DBF4: variants seen among roughly 807,000 people sequenced by gnomAD.
DBF4 encodes the protein DBF4-CDC7 kinase regulatory subunit, also known as protein DBF4 homolog A.
In DBF4, 25 loss-of-function variants were observed where a neutral mutation model predicts 76.6. The observed-to-expected ratio is 0.33, with a 90% CI of 0.24 to 0.46. The LOEUF is 0.46. Among genes scored for constraint, DBF4 ranks in the 20% least tolerant of loss-of-function variants. The pLI, the probability that DBF4 is intolerant of heterozygous loss-of-function variation, is 1.00. For synonymous variants in DBF4, 213 were observed against 258.0 expected, an observed-to-expected ratio of 0.83 and a Z score of 1.67; for missense variants, 638 against 760.8, an observed-to-expected ratio of 0.84 and a Z score of 1.90.
At chr7:87,903,534 T>G (rs1486906852) in intron 10 of DBF4, among the ~76,000 whole-genome samples, 7 of 152,228 alleles carry the variant, frequency 4.6e-5, no homozygotes, top group Non-Finnish European at 7.3e-5. Context: ...GGTTCATGTG[T>G]TTAATCTACT....
chr7:87,890,322 C>T (rs776728403), intron 6 of DBF4, among the ~76,000 whole-genome samples: 21 of 152,112 alleles, frequency 1.4e-4, no homozygotes, highest in Non-Finnish European at 2.6e-4. Context: ...GCAGATCACA[C>T]GAGGTCAGGA....
chr7:87,876,635 G>C lies in DBF4; in HGVS notation c.-98G>C, dbSNP rs1410664158. The stretch of plus-strand genomic sequence containing the variant: ...GGCCGTAGCTGGCGGAAGGAGAGAG[G>C]CGGCCGTCCTGTCAACAGGCCGGGG... On this transcript the variant is annotated 5_prime_UTR_variant, in exon 1 of 12. Transcript: ENST00000265728. 9.6e-6 allele frequency: 13 copies of C among 1,356,160 alleles called. No homozygotes were observed. In the East Asian group the frequency reaches 2.9e-4, roughly 30 times the overall value. 84.0% of individuals were successfully genotyped at this position (1,356,160 alleles called of 1,614,324 possible). A position where few individuals can be genotyped will look rare whatever the true frequency, so the allele number is the denominator to read the frequency against.
chr7:87,906,873 C>G (rs879758445), intron 11 of DBF4, among the ~76,000 whole-genome samples: 3 of 152,072 alleles, frequency 2.0e-5, no homozygotes, highest in Non-Finnish European at 4.4e-5. Context: ...CTATCAATTT[C>G]TTTCATTTAC....
chr7:87,900,340 T>A lies in DBF4; in HGVS notation c.800T>A (p.Val267Asp). ...KPSSMQKQTQ[V>D]KLRIQTDGDK... ...TCTAGTATGCAAAAGCAAACTCAGG[T>A]TAAACTAAGGTTGGTTTGAATCTTT... is the stretch of plus-strand genomic sequence containing the variant. Residue 267 changes from valine (V) to aspartate (D), a missense_variant, in exon 9 of 12, where the codon GTT becomes GAT. Coordinates refer to ENST00000265728, the MANE Select transcript of DBF4 (RefSeq NM_006716.4). 1 of 1,589,726 alleles carries A rather than the reference T, an allele frequency of 6.3e-7. No homozygotes were observed. The highest frequency in any genetic ancestry group is 8.5e-7 in the Non-Finnish European group (1 of 1,173,360).
At chr7:87,886,680 A>G (rs1839363446) in intron 3 of DBF4, among the ~76,000 whole-genome samples, 164 bp from the exon 4 acceptor site, 1 of 151,810 alleles carries the variant, frequency 6.6e-6, no homozygotes, top group East Asian at 1.9e-4. Context: ...TAGCTATTTT[A>G]TTTTTCATGT....
chr7:87,884,747 T>A (rs1839301507), intron 2 of DBF4, among the ~76,000 whole-genome samples: 1 of 152,340 alleles, frequency 6.6e-6, no homozygotes, highest in Non-Finnish European at 1.5e-5. Flanking sequence ...TTTTTTACTG[T>A]GCTTGGCATA....
chr7:87,887,931 T>G, intron 5 of DBF4, 52 bp from the exon 6 acceptor site: 1 of 1,441,552 alleles, frequency 6.9e-7, no homozygotes. Flanking sequence ...TATCACTGTT[T>G]AACTCCAAGA....
chr7:87,878,909 C>T (rs1010136141), intron 2 of DBF4, among the ~76,000 whole-genome samples: 1 of 152,134 alleles, frequency 6.6e-6, no homozygotes, highest in Admixed American at 6.5e-5. Flanking sequence ...CTAAACTGAT[C>T]CTTTCATTCC....
Position 87,909,422 on chromosome 7 carries a change from T to C in DBF4, c.*1259T>C, listed in dbSNP as rs978759277. ...ATTCTCAGTACAGGACTAATTCATA[T>C]GCTTTTCCTGCATACATTATTTTGA... On this transcript the variant is annotated 3_prime_UTR_variant, in exon 12 of 12. Transcript: ENST00000265728. 2 of 152,244 alleles carry C rather than the reference T, an allele frequency of 1.3e-5. No homozygotes were observed. Among genetic ancestry groups the C allele is most frequent in the Non-Finnish European group, 2.9e-5 (2 of 68,044 alleles). The allele number at this position is 152,244 out of a possible 1,614,324, so 9.4% of individuals were successfully genotyped here. A position where few individuals can be genotyped will look rare whatever the true frequency, so the allele number is the denominator to read the frequency against.
Position 87,907,427 on chromosome 7 carries a change from T to G in DBF4, c.1289T>G (p.Met430Arg), listed in dbSNP as rs750606705. The G allele has an allele frequency of 6.2e-7, 1 of 1,613,892 alleles. No homozygotes were observed. Among genetic ancestry groups the G allele is most frequent in the Admixed American group, 1.7e-5 (1 of 59,990 alleles). Reference protein sequence around the residue: ...SNELRGLNEKMSNKCSMLSTA... With the variant: ...SNELRGLNEKRSNKCSMLSTA... ...GAATTGAGAGGGCTTAATGAGAAAA[T>G]GAGTAATAAATGTTCCATGTTAAGT... The change falls in exon 12 of 12, where the codon ATG becomes AGG. Residue 430 changes from methionine to arginine, a missense_variant. Physicochemically the swap from Met to Arg is moderately conservative, Grantham distance 91. Coordinates refer to ENST00000265728, the MANE Select transcript of DBF4 (RefSeq NM_006716.4).
At chr7:87,900,904 G>T in intron 10 of DBF4, 26 bp downstream of exon 10, 1 of 1,579,770 alleles carries the variant, frequency 6.3e-7, no homozygotes, top group African/African-American at 1.4e-5. Context: ...TATTTTGGGG[G>T]CTTGTTTCGA....
intron 8 of DBF4, among the ~76,000 whole-genome samples, chr7:87,897,610 G>A (rs1385202366): frequency 3.3e-5 from 5 of 152,136 alleles, no homozygotes; most frequent in Non-Finnish European, 7.3e-5. Context: ...TTATTCTCTG[G>A]CTAAATGCAG....
chr7:87,907,123 A>G, intron 11 of DBF4, 65 bp from the exon 12 acceptor site: 1 of 1,356,878 alleles, frequency 7.4e-7, no homozygotes, highest in Non-Finnish European at 9.8e-7. Flanking sequence ...TTTAATTTCT[A>G]ACTACTCAGG....
intron 2 of DBF4, among the ~76,000 whole-genome samples, chr7:87,884,584 G>C (rs956732729): frequency 3.2e-4 from 48 of 152,266 alleles, no homozygotes; most frequent in African/African-American, 1.2e-3. Context: ...CATAGATTAA[G>C]TTAATTAACA....
At chr7:87,902,319 A>T (rs577097722) in intron 10 of DBF4, among the ~76,000 whole-genome samples, 78 of 144,766 alleles carry the variant, frequency 5.4e-4, no homozygotes, top group Non-Finnish European at 8.8e-4. Context: ...GAGTAAAGAC[A>T]TTTTTTTTTT....
Position 87,907,466 on chromosome 7 carries a change from A to C in DBF4, c.1328A>C (p.Asp443Ala). 2 of 1,614,050 alleles carry C rather than the reference A, an allele frequency of 1.2e-6. No homozygotes were observed. Among genetic ancestry groups the C allele is most frequent in the South Asian group, 2.2e-5 (2 of 91,070 alleles). Reference protein sequence around the residue: ...KCSMLSTAEDDIRQNFTQLPL... With the variant: ...KCSMLSTAEDAIRQNFTQLPL... ...TCCATGTTAAGTACAGCTGAAGATGACATAAGACAGAATTTTACACAGCTA... is the reference window on the plus strand; with the variant it reads ...TCCATGTTAAGTACAGCTGAAGATGCCATAAGACAGAATTTTACACAGCTA... The change falls in exon 12 of 12, where the codon GAC (aspartate) becomes GCC (alanine). Residue 443 changes from aspartate (D) to alanine (A), a missense_variant. Asp to Ala is a moderately radical substitution (Grantham distance 126, BLOSUM62 -2). Transcript: ENST00000265728.
Position 87,897,325 on chromosome 7 carries a change from G to A in DBF4, c.666G>A (p.Val222=). 1 of 1,612,596 alleles carries A rather than the reference G, an allele frequency of 6.2e-7. No homozygotes were observed. The highest frequency in any genetic ancestry group is 8.5e-7 in the Non-Finnish European group (1 of 1,179,486). Residue 222 remains valine, a synonymous_variant, in exon 8 of 12, where the codon GTG becomes GTA. Coordinates refer to ENST00000265728, the MANE Select transcript of DBF4 (RefSeq NM_006716.4). ...GACTCAAAAAGCCTTTTGTAAAGGTGGAAGATATGAGCCAGTAAGTATTTA... is the reference window on the plus strand; with the variant it reads ...GACTCAAAAAGCCTTTTGTAAAGGTAGAAGATATGAGCCAGTAAGTATTTA... ...TGRLKKPFVK[V]EDMSQLYRPF...
chr7:87,904,318 C>T lies in DBF4; in HGVS notation c.951C>T (p.Asn317=). 1 of 1,612,416 alleles carries T rather than the reference C, an allele frequency of 6.2e-7. No homozygotes were observed. Among genetic ancestry groups the T allele is most frequent in the Non-Finnish European group, 8.5e-7 (1 of 1,179,582 alleles). Residue 317 remains asparagine (N), a synonymous_variant, in exon 11 of 12, where the codon AAC becomes AAT. Coordinates refer to ENST00000265728, the MANE Select transcript of DBF4 (RefSeq NM_006716.4). ...ACCTTCTAAGTGAGCAACACAGAAA[C>T]TTTGCACAGAGTAACCAGTATCAAG... ...ETHLLSEQHR[N]FAQSNQYQVV...
chr7:87,877,450 A>C (rs1176557765), intron 1 of DBF4, among the ~76,000 whole-genome samples: 1 of 152,184 alleles, frequency 6.6e-6, no homozygotes, highest in Non-Finnish European at 1.5e-5. Context: ...TTAATTTTTA[A>C]AGCAGTTGCT....
Sources: gnomAD v4.1 joint callset for allele counts (sites outside exome capture counted in the v4.1 genomes callset) on GRCh38, gnomAD v4.1.1 for gene constraint, MANE v1.5 for transcripts, NCBI Gene and HGNC (gene_info 2026-07-23, HGNC 2026-07-21) for gene names.